Variants in RASSF7 observed in about 807,000 individuals in gnomAD.
RASSF7 encodes the protein ras association domain-containing protein 7.
In RASSF7, 41 loss-of-function variants were observed where a neutral mutation model predicts 33.8. That is an observed-to-expected ratio of 1.21 (90% CI 0.95 to 1.57). The LOEUF is 1.57. RASSF7 is among the 40% of genes most tolerant of loss of function. The pLI is 0.00. For synonymous variants in RASSF7, 298 were observed against 212.8 expected, an observed-to-expected ratio of 1.40 and a Z score of -3.48; for missense variants, 622 against 497.0, an observed-to-expected ratio of 1.25 and a Z score of -2.39.
chr11:563,640 C>G lies in RASSF7; in HGVS notation c.1117C>G (p.Leu373Val). Residue 373 changes from leucine (L) to valine (V), a missense_variant, in exon 6 of 6, where the codon CTG becomes GTG. By Grantham distance (32) the Leu-to-Val change is conservative. Coordinates refer to ENST00000397583, the MANE Select transcript of RASSF7 (RefSeq NM_003475.4). ...WCPLAAQPQA[L>V] ...TCCTCTGGCAGCCCAGCCCCAGGCT[C>G]TGTGACAGCCTAGTGAGGGCTGCAA... 1 of 1,609,114 alleles carries G rather than the reference C, an allele frequency of 6.2e-7. No homozygotes were observed.
intron 3 of RASSF7, among the ~76,000 whole-genome samples, 184 bp from the exon 4 acceptor site, chr11:563,005 G>A (rs1469835055): frequency 6.6e-6 from 1 of 151,710 alleles, no homozygotes; most frequent in Non-Finnish European, 1.5e-5. Context: ...GGGCAGATAC[G>A]GGGGTCACAG....
rs969094558 is a variant in RASSF7, at chr11:561,961, T to G, written c.124+69T>G. ...AGTGGGACCTGGTGGTCCAGCTCCA[T>G]GGTCTCCCCCAAGGAGAGTGGGGCT... On this transcript the variant is annotated intron_variant, in intron 2 of 5. Transcript: ENST00000397583. 8 of 1,599,608 alleles carry G rather than the reference T, an allele frequency of 5.0e-6. No homozygotes were observed. The African/African-American group carries it at 1.1e-4, about 21-fold the overall frequency.
chr11:562,015 C>G, intron 2 of RASSF7, 64 bp from the exon 3 acceptor site: 2 of 1,517,934 alleles, frequency 1.3e-6, no homozygotes, highest in Non-Finnish European at 1.8e-6. Context: ...TTCTTCCCAA[C>G]TCTTCAAGCC....
chr11:563,585 G>T lies in RASSF7; in HGVS notation c.1062G>T (p.Glu354Asp). ...GCCCCCATGACGCAGAACTCCTGGA[G>T]GTAGCAGCAGCTCCTGCCCCAGAGT... ...RGGPHDAELL[E>D]VAAAPAPEWC... Residue 354 changes from glutamate (E) to aspartate (D), a missense_variant, in exon 6 of 6, where the codon GAG becomes GAT. Coordinates refer to ENST00000397583, the MANE Select transcript of RASSF7 (RefSeq NM_003475.4). 6.2e-7 allele frequency: 1 copy of T among 1,612,170 alleles called. No homozygotes were observed. Among genetic ancestry groups the T allele is most frequent in the African/African-American group, 1.3e-5 (1 of 75,060 alleles).
At position 561,256 on chromosome 11, in the gene RASSF7, G is replaced by A. The variant is rs531530166; in HGVS notation, c.-229G>A. The stretch of plus-strand genomic sequence containing the variant: ...CGGCGGGGACCGGGACTTTCGGGGC[G>A]AGCGCAGCGATTAGGCGGCAGCGGC... On this transcript the variant is annotated 5_prime_UTR_variant, in exon 1 of 6. Coordinates refer to ENST00000397583, the MANE Select transcript of RASSF7 (RefSeq NM_003475.4). 124 of 985,654 alleles carry A rather than the reference G, an allele frequency of 1.3e-4. 1 individual carries two copies. In the South Asian group the frequency reaches 3.1e-3, roughly 25 times the overall value. The allele number at this position is 985,654 out of a possible 1,614,324, so 61.1% of individuals were successfully genotyped here. A position where few individuals can be genotyped will look rare whatever the true frequency, so the allele number is the denominator to read the frequency against.
chr11:561,692 T>C (rs1853316260), intron 1 of RASSF7, 70 bp from the exon 2 acceptor site: 1 of 1,597,518 alleles, frequency 6.3e-7, no homozygotes, highest in Admixed American at 1.7e-5. Flanking sequence ...GCCAAGAGGA[T>C]GAGGAGAGGA....
rs757769115 is a variant in RASSF7 at position 561,900 on chromosome 11, C to T, written c.124+8C>T. On this transcript the variant is annotated splice_region_variant and intron_variant, in intron 2 of 5. Coordinates refer to ENST00000397583, the MANE Select transcript of RASSF7 (RefSeq NM_003475.4). ...CACTAGCCCAAGCAATAGGTGAGTC[C>T]TCTCGGGGTCAGGCAGGCCGGGCAG... 5 of 1,613,076 alleles carry T rather than the reference C, an allele frequency of 3.1e-6. No homozygotes were observed. Among genetic ancestry groups the T allele is most frequent in the Admixed American group, 3.3e-5 (2 of 59,992 alleles).
chr11:561,662 C>A (rs980781576), intron 1 of RASSF7, 100 bp from the exon 2 acceptor site: 50 of 1,537,402 alleles, frequency 3.3e-5, no homozygotes, highest in Non-Finnish European at 4.3e-5. Context: ...GGGGCGGCAG[C>A]CCAGCCGTTT....
Position 561,485 on chromosome 11 carries a change from G to A in RASSF7, c.-8+8G>A. On this transcript the variant is annotated splice_region_variant and intron_variant, in intron 1 of 5. Coordinates refer to ENST00000397583, the MANE Select transcript of RASSF7 (RefSeq NM_003475.4). ...CAGTGTCCTCCGAGCCAGGTGAGGC[G>A]AGTAGGAAATGCTGGATCTGGTTAA... is the stretch of plus-strand genomic sequence containing the variant. 1.5e-6 allele frequency: 2 copies of A among 1,309,142 alleles called. No individual in the cohort carries two copies. Among genetic ancestry groups the A allele is most frequent in the Non-Finnish European group, 2.0e-6 (2 of 1,021,998 alleles). The allele number at this position is 1,309,142 out of a possible 1,614,324, so 81.1% of individuals were successfully genotyped here.
chr11:562,115 G>A lies in RASSF7; in HGVS notation c.161G>A (p.Arg54Gln), dbSNP rs766906576. The A allele has an allele frequency of 1.6e-5, 24 of 1,535,878 alleles. No individual in the cohort carries two copies. The highest frequency in any genetic ancestry group is 1.8e-4 in the Middle Eastern group (1 of 5,632). Reference protein sequence around the residue: ...TGRFVLVQRLREKERQLLPQE... With the variant: ...TGRFVLVQRLQEKERQLLPQE... ...CGCTTTGTGCTTGTGCAGCGGCTTCGGGAGAAGGAGCGGCAGTTGCTGCCA... is the reference window on the plus strand; with the variant it reads ...CGCTTTGTGCTTGTGCAGCGGCTTCAGGAGAAGGAGCGGCAGTTGCTGCCA... The change falls in exon 3 of 6, where the codon CGG becomes CAG. Residue 54 changes from arginine (R) to glutamine (Q), a missense_variant. Coordinates refer to ENST00000397583, the MANE Select transcript of RASSF7 (RefSeq NM_003475.4).
rs767627122 is a variant in RASSF7 at position 562,109 on chromosome 11, G to C, written c.155G>C (p.Arg52Pro). 1 of 1,534,470 alleles carries C rather than the reference G, an allele frequency of 6.5e-7. No individual in the cohort carries two copies. The highest frequency in any genetic ancestry group is 8.8e-7 in the Non-Finnish European group (1 of 1,140,544). The change falls in exon 3 of 6, where the codon CGG becomes CCG. Residue 52 changes from arginine (R) to proline (P), a missense_variant. Physicochemically the swap from Arg to Pro is moderately radical, Grantham distance 103. Transcript: ENST00000397583. ...GQTGRFVLVQ[R>P]LREKERQLLP... ...ACTGGCCGCTTTGTGCTTGTGCAGC[G>C]GCTTCGGGAGAAGGAGCGGCAGTTG...
chr11:561,218 G>C lies in RASSF7; in HGVS notation c.-267G>C, dbSNP rs1564822220. 3.0e-6 allele frequency: 3 copies of C among 985,048 alleles called. No individual in the cohort carries two copies. The highest frequency in any genetic ancestry group is 4.7e-5 in the South Asian group (1 of 21,380). The allele number at this position is 985,048 out of a possible 1,614,324, so 61.0% of individuals were successfully genotyped here. ...CCGCCAGGCTGGGGTCGCGGCGCGGGCTTCGGTGCCCGCGGCGGGGACCGG... is the reference window on the plus strand; with the variant it reads ...CCGCCAGGCTGGGGTCGCGGCGCGGCCTTCGGTGCCCGCGGCGGGGACCGG... On this transcript the variant is annotated 5_prime_UTR_variant, in exon 1 of 6. Transcript: ENST00000397583.
chr11:562,737 G>A lies in RASSF7; in HGVS notation c.783G>A (p.Leu261=). The A allele has an allele frequency of 6.5e-7, 1 of 1,530,656 alleles. No homozygotes were observed. The highest frequency in any genetic ancestry group is 8.8e-7 in the Non-Finnish European group (1 of 1,142,284). The allele number at this position is 1,530,656 out of a possible 1,614,324, so 94.8% of individuals were successfully genotyped here. The part of the protein sequence containing the change: ...QSAEVQGSLA[L]VSRALEAAER... ...CGGAGGTGCAGGGCAGCCTGGCTCT[G>A]GTGAGCCGGGCCCTGGAGGCAGCAG... The change falls in exon 3 of 6, where the codon CTG becomes CTA. Residue 261 remains leucine, a synonymous_variant. Transcript: ENST00000397583.
In RASSF7 at chr11:561,980, T is replaced by A. The variant is rs568297461; in HGVS notation, c.124+88T>A. Reference sequence around the variant, plus strand: ...GCTCCATGGTCTCCCCCAAGGAGAGTGGGGCTGGTTGCTGATCCTTTTTGT... The same window carrying A: ...GCTCCATGGTCTCCCCCAAGGAGAGAGGGGCTGGTTGCTGATCCTTTTTGT... On this transcript the variant is annotated intron_variant, in intron 2 of 5. Transcript: ENST00000397583. 8 of 1,565,588 alleles carry A rather than the reference T, an allele frequency of 5.1e-6. 1 individual carries two copies. In the Admixed American group the frequency reaches 5.5e-5, roughly 11 times the overall value.
Position 561,205 on chromosome 11 carries a change from G to C in RASSF7, c.-280G>C. 2.0e-6 allele frequency: 2 copies of C among 985,070 alleles called. No homozygotes were observed. Among genetic ancestry groups the C allele is most frequent in the Non-Finnish European group, 2.4e-6 (2 of 829,814 alleles). 61.0% of individuals were successfully genotyped at this position (985,070 alleles called of 1,614,324 possible). ...GACGCCCTGGCTCCCGCCAGGCTGG[G>C]GTCGCGGCGCGGGCTTCGGTGCCCG... On this transcript the variant is annotated 5_prime_UTR_variant, in exon 1 of 6. Coordinates refer to ENST00000397583, the MANE Select transcript of RASSF7 (RefSeq NM_003475.4).
Position 563,577 on chromosome 11 carries a change from C to A in RASSF7, c.1054C>A (p.Leu352Ile). 1 of 1,612,294 alleles carries A rather than the reference C, an allele frequency of 6.2e-7. No homozygotes were observed. ...CCGCAGTGGCCCCCATGACGCAGAACTCCTGGAGGTAGCAGCAGCTCCTGC... is the reference window on the plus strand; with the variant it reads ...CCGCAGTGGCCCCCATGACGCAGAAATCCTGGAGGTAGCAGCAGCTCCTGC... Reference protein sequence around the residue: ...RPRGGPHDAELLEVAAAPAPE... With the variant: ...RPRGGPHDAEILEVAAAPAPE... Residue 352 changes from leucine to isoleucine, a missense_variant, in exon 6 of 6, where the codon CTC (leucine) becomes ATC (isoleucine). Leu to Ile is a conservative substitution (Grantham distance 5). Transcript: ENST00000397583.
intron 1 of RASSF7, 85 bp from the exon 2 acceptor site, chr11:561,677 G>A: frequency 1.3e-6 from 2 of 1,576,502 alleles, no homozygotes; most frequent in South Asian, 1.1e-5. Context: ...CCGTTTCTAG[G>A]GCAGGCCAAG....
In RASSF7 at chr11:562,287, C is replaced by A. The variant is rs1853363992; in HGVS notation, c.333C>A (p.Ser111Arg). 1.2e-6 allele frequency: 2 copies of A among 1,612,726 alleles called. No individual in the cohort carries two copies. Among genetic ancestry groups the A allele is most frequent in the Non-Finnish European group, 1.7e-6 (2 of 1,179,982 alleles). ...PPPERCLIRA[S>R]LPVKPRAALG... is the part of the protein sequence containing the mutation. ...CGGAACGCTGCCTAATTCGTGCCAGCCTCCCTGTAAAGCCACGGGCTGCGC... is the reference window on the plus strand; with the variant it reads ...CGGAACGCTGCCTAATTCGTGCCAGACTCCCTGTAAAGCCACGGGCTGCGC... The change falls in exon 3 of 6, where the codon AGC (serine) becomes AGA (arginine). Residue 111 changes from serine to arginine, a missense_variant. Ser to Arg is a moderately radical substitution (Grantham distance 110). Coordinates refer to ENST00000397583, the MANE Select transcript of RASSF7 (RefSeq NM_003475.4).
rs1424925618 is a variant in RASSF7 at position 562,368 on chromosome 11, C to G, written c.414C>G (p.Arg138=). 1 of 1,595,640 alleles carries G rather than the reference C, an allele frequency of 6.3e-7. No homozygotes were observed. Among genetic ancestry groups the G allele is most frequent in the Non-Finnish European group, 8.5e-7 (1 of 1,171,688 alleles). ...CCGAGCCAGCCCCCAGCCTCTCACG[C>G]CCTGGGCCTGCGGCCCCTGTGACAC... ...LTPEPAPSLS[R]PGPAAPVTPT... Residue 138 remains arginine, a synonymous_variant, in exon 3 of 6, where the codon CGC becomes CGG. Transcript: ENST00000397583.
Sources: gnomAD v4.1 joint callset for allele counts (sites outside exome capture counted in the v4.1 genomes callset) on GRCh38, gnomAD v4.1.1 for gene constraint, MANE v1.5 for transcripts, NCBI Gene and HGNC (gene_info 2026-07-23, HGNC 2026-07-21) for gene names.